PTPRQ: variants seen among roughly 807,000 people sequenced by gnomAD.
The protein encoded by PTPRQ is protein tyrosine phosphatase receptor type Q.
PTPRQ carries 199 observed loss-of-function variants against 246.0 expected under a neutral mutation model. The ratio of observed to expected loss-of-function variants is 0.81; its 90% CI spans 0.72 to 0.91. The LOEUF is 0.91. PTPRQ is among the 40% of genes least tolerant of loss of function. The pLI, the probability that PTPRQ is intolerant of heterozygous loss-of-function variation, is 0.00. For missense variants in PTPRQ, 2,624 were observed against 2,528.4 expected (o/e 1.04, Z -0.81); for synonymous variants, 869 against 853.2 (o/e 1.02, Z -0.32).
chr12:80,468,803 A>G lies in PTPRQ; in HGVS notation c.1004A>G (p.Lys335Arg). Residue 335 changes from lysine (K) to arginine (R), a missense_variant, in exon 7 of 45, where the codon AAA becomes AGA. Transcript: ENST00000644991. ...LWDPPTIVTG[K>R]FSYRVELYGP... ...GACCCACCAACTATAGTAACAGGGAAATTTAGTTATAGAGTTGAATTATAT... is the reference window on the plus strand; with the variant it reads ...GACCCACCAACTATAGTAACAGGGAGATTTAGTTATAGAGTTGAATTATAT... 1 of 1,550,026 alleles carries G rather than the reference A, an allele frequency of 6.5e-7. No homozygotes were observed. The highest frequency in any genetic ancestry group is 8.7e-7 in the Non-Finnish European group (1 of 1,146,206).
intron 26 of PTPRQ, among the ~76,000 whole-genome samples, chr12:80,601,684 C>T (rs1003357193): frequency 1.3e-5 from 2 of 151,666 alleles, no homozygotes; most frequent in African/African-American, 4.8e-5. Flanking sequence ...AGCCTTAATA[C>T]ATTTATACAG....
At chr12:80,621,470 C>T (rs1255977973) in intron 32 of PTPRQ, among the ~76,000 whole-genome samples, 1 of 151,746 alleles carries the variant, frequency 6.6e-6, no homozygotes, top group East Asian at 1.9e-4. Flanking sequence ...AAGTAAATTT[C>T]AATTGTCTCT....
intron 35 of PTPRQ, among the ~76,000 whole-genome samples, chr12:80,636,548 G>A (rs1159994039): frequency 6.6e-6 from 1 of 152,086 alleles, no homozygotes; most frequent in Admixed American, 6.6e-5. Flanking sequence ...CCTCAGGCCT[G>A]TGTGGCCCAT....
At chr12:80,676,970 G>A (rs1901165392) in intron 43 of PTPRQ, among the ~76,000 whole-genome samples, 2 of 152,082 alleles carry the variant, frequency 1.3e-5, no homozygotes, top group African/African-American at 4.8e-5. Context: ...TGGCTCTCTA[G>A]GGCAGAAACT....
chr12:80,478,153 G>T (rs1460359326), intron 8 of PTPRQ, among the ~76,000 whole-genome samples: 2 of 149,126 alleles, frequency 1.3e-5, no homozygotes, highest in Non-Finnish European at 2.9e-5. Flanking sequence ...GAGGAGAGCA[G>T]TGGTTCTCCC....
rs1893380970 is a variant in PTPRQ, at chr12:80,465,790, T to A, written c.911-2920T>A. Among the ~76,000 whole-genome samples, 4 of 152,090 alleles carry A rather than the reference T, an allele frequency of 2.6e-5. No individual in the cohort carries two copies. In the South Asian group the frequency reaches 8.3e-4, roughly 32 times the overall value. ...TCTCAATAGATGCAGAAAAGGCCTT[T>A]GACAAAATTCAACAACCCTCCATGC... On this transcript the variant is annotated intron_variant, in intron 6 of 44. Coordinates refer to ENST00000644991, the MANE Select transcript of PTPRQ (RefSeq NM_001145026.2).
At chr12:80,607,776 T>C (rs1351277566) in intron 27 of PTPRQ, among the ~76,000 whole-genome samples, 1 of 150,874 alleles carries the variant, frequency 6.6e-6, no homozygotes, top group Non-Finnish European at 1.5e-5. Context: ...CTTAATAAAA[T>C]GTAAATATCA....
chr12:80,485,406 CGA>C (rs1450270223), intron 9 of PTPRQ, among the ~76,000 whole-genome samples: 1 of 152,126 alleles, frequency 6.6e-6, no homozygotes, highest in Non-Finnish European at 1.5e-5. Flanking sequence ...AAGACAAACA[CGA>C]TAGTTATTCA....
intron 38 of PTPRQ, among the ~76,000 whole-genome samples, chr12:80,654,832 C>T (rs1412026233): frequency 2.0e-5 from 3 of 151,920 alleles, no homozygotes; most frequent in African/African-American, 7.2e-5. Flanking sequence ...TGCATTCCAT[C>T]CTGGGTGACA....
intron 19 of PTPRQ, among the ~76,000 whole-genome samples, chr12:80,537,384 T>C (rs942422118): frequency 7.2e-5 from 11 of 152,182 alleles, no homozygotes; most frequent in Non-Finnish European, 1.5e-4. Flanking sequence ...ATGCATGGCA[T>C]ATCATGTTCT....
Position 80,542,826 on chromosome 12 carries a change from TTAAAGTA to T in PTPRQ, c.3821_3827del (p.Lys1274IlefsTer55). ...CCAAGTCCTCTTCCAGGTGGTATTG[TTAAAGTA>T]TATAGTTTTAAAATTCATGAACATG... On this transcript the variant is annotated frameshift_variant, in exon 23 of 45. Transcript: ENST00000644991. LOFTEE classifies it high-confidence loss of function. 6.5e-7 allele frequency: 1 copy of T among 1,548,144 alleles called. No homozygotes were observed. The highest frequency in any genetic ancestry group is 8.7e-7 in the Non-Finnish European group (1 of 1,145,328).
At chr12:80,578,245 G>GGT (rs1897328217) in intron 25 of PTPRQ, among the ~76,000 whole-genome samples, 1 of 112,718 alleles carries the variant, frequency 8.9e-6, no homozygotes, top group African/African-American at 3.6e-5. Context: ...AACAGGCCCC[G>GGT]GTGTGTGACG....
At chr12:80,449,226 GT>G (rs1299297481) in intron 3 of PTPRQ, among the ~76,000 whole-genome samples, 8 of 151,126 alleles carry the variant, frequency 5.3e-5, no homozygotes, top group East Asian at 1.9e-4. Flanking sequence ...GGGGTTGTTT[GT>G]TTTTTTCTTG....
At chr12:80,599,035 T>A (rs1222159895) in intron 26 of PTPRQ, among the ~76,000 whole-genome samples, 1 of 151,932 alleles carries the variant, frequency 6.6e-6, no homozygotes, top group Non-Finnish European at 1.5e-5. Flanking sequence ...CAAAGTGGCA[T>A]GGATGGGGGC....
At position 80,673,309 on chromosome 12, in the gene PTPRQ, G is replaced by C. The variant is rs1901032333; in HGVS notation, c.6738+5G>C. 6.5e-7 allele frequency: 1 copy of C among 1,546,874 alleles called. No homozygotes were observed. The highest frequency in any genetic ancestry group is 1.4e-5 in the African/African-American group (1 of 72,820). ...ATGTGCATGGTGCAGAATCTGGTAA[G>C]ATCTCTAAACCTGCACTGCATTCTA... On this transcript the variant is annotated splice_donor_5th_base_variant and intron_variant, in intron 43 of 44. Coordinates refer to ENST00000644991, the MANE Select transcript of PTPRQ (RefSeq NM_001145026.2).
At chr12:80,587,480 G>T (rs1318366384) in intron 25 of PTPRQ, among the ~76,000 whole-genome samples, 1 of 152,082 alleles carries the variant, frequency 6.6e-6, no homozygotes, top group Non-Finnish European at 1.5e-5. Context: ...GAGCTTTATT[G>T]TATCCTGAAT....
Position 80,620,278 on chromosome 12 carries a change from T to A in PTPRQ, c.5514T>A (p.Asn1838Lys). Residue 1838 changes from asparagine (N) to lysine (K), a missense_variant, in exon 32 of 45, where the codon AAT becomes AAA. Coordinates refer to ENST00000644991, the MANE Select transcript of PTPRQ (RefSeq NM_001145026.2). ...AAGGAAAGACAAAGTTTAGTGGCAA[T>A]GAAGAAATCTACATCATAGGTGCTG... Reference protein sequence around the residue: ...CTEGKTKFSGNEEIYIIGADN... With the variant: ...CTEGKTKFSGKEEIYIIGADN... 6.5e-7 allele frequency: 1 copy of A among 1,549,562 alleles called. No homozygotes were observed. Among genetic ancestry groups the A allele is most frequent in the East Asian group, 2.4e-5 (1 of 40,828 alleles).
Position 80,649,631 on chromosome 12 carries a change from T to C in PTPRQ, c.5986T>C (p.Cys1996Arg). Reference sequence around the variant, plus strand: ...CTTCCTGCAACATGTTGAAGAGCTTTGCACAAACAACAACCTAAAGTTTCA... The same window carrying C: ...CTTCCTGCAACATGTTGAAGAGCTTCGCACAAACAACAACCTAAAGTTTCA... ...KSFLQHVEEL[C>R]TNNNLKFQEE... The change falls in exon 37 of 45, where the codon TGC becomes CGC. Residue 1996 changes from cysteine (C) to arginine (R), a missense_variant. Coordinates refer to ENST00000644991, the MANE Select transcript of PTPRQ (RefSeq NM_001145026.2). 1 of 1,549,944 alleles carries C rather than the reference T, an allele frequency of 6.5e-7. No individual in the cohort carries two copies. The highest frequency in any genetic ancestry group is 8.7e-7 in the Non-Finnish European group (1 of 1,145,866).
intron 25 of PTPRQ, among the ~76,000 whole-genome samples, chr12:80,578,884 T>A (rs1897350649): frequency 1.3e-5 from 2 of 152,190 alleles, no homozygotes; most frequent in Non-Finnish European, 2.9e-5. Flanking sequence ...ATTTACTATC[T>A]TGCTTTTCCC....
Sources: allele counts gnomAD v4.1 joint callset (sites outside exome capture counted in the v4.1 genomes callset), GRCh38; gene constraint gnomAD v4.1.1; transcripts MANE v1.5; gene names NCBI Gene and HGNC (gene_info 2026-07-23, HGNC 2026-07-21).